ABLIM2: variants seen among roughly 807,000 people sequenced by gnomAD.
The protein encoded by ABLIM2 is actin binding LIM protein family member 2, also known as actin-binding LIM protein 2.
A neutral mutation model predicts 97.7 loss-of-function variants in ABLIM2; 53 were observed. The ratio of observed to expected loss-of-function variants is 0.54; its 90% CI spans 0.44 to 0.68. The LOEUF (loss-of-function observed/expected upper bound fraction) is 0.68. Ranked by LOEUF, ABLIM2 falls within the 30% of genes least tolerant of loss-of-function variation. The pLI, the probability that ABLIM2 is intolerant of heterozygous loss-of-function variation, is 0.00. For synonymous variants in ABLIM2, 361 were observed against 345.8 expected, an observed-to-expected ratio of 1.04 and a Z score of -0.49; for missense variants, 835 against 867.2, an observed-to-expected ratio of 0.96 and a Z score of 0.47.
intron 20 of ABLIM2, among the ~76,000 whole-genome samples, chr4:7,976,837 G>A (rs1733664114): frequency 6.6e-6 from 1 of 151,308 alleles, no homozygotes; most frequent in South Asian, 2.1e-4. Context: ...ATACACACAT[G>A]CACACACATA....
In ABLIM2 at chr4:8,130,163, T is replaced by C. The variant is rs1371734848; in HGVS notation, c.11-23526A>G. Among the ~76,000 whole-genome samples the C allele has an allele frequency of 6.6e-6, 1 of 151,906 alleles. No homozygotes were observed. The highest frequency in any genetic ancestry group is 1.5e-5 in the Non-Finnish European group (1 of 67,960). On this transcript the variant is annotated intron_variant, in intron 1 of 20. Transcript: ENST00000447017. The surrounding 1 kb of genome is among the most constrained non-coding windows in gnomAD (Gnocchi z 4.2). ...TGGTCTCAGCCTGGAAGGGGAACAC[T>C]CAAGTCTTGAAGGAACTCAGCCAGC...
At chr4:8,090,737 A>C (rs889546653) in intron 3 of ABLIM2, among the ~76,000 whole-genome samples, 2 of 151,168 alleles carry the variant, frequency 1.3e-5, no homozygotes, top group Non-Finnish European at 2.9e-5. Flanking sequence ...TTGCGGGATC[A>C]CAGAGCACAT....
intron 1 of ABLIM2, among the ~76,000 whole-genome samples, chr4:8,109,594 C>T (rs1016775415): frequency 1.3e-5 from 2 of 152,150 alleles, no homozygotes; most frequent in Admixed American, 6.5e-5. Flanking sequence ...AGGGTCCCTG[C>T]CCACGGATGG....
chr4:8,101,122 A>G (rs1228303931), intron 2 of ABLIM2, among the ~76,000 whole-genome samples: 3 of 152,224 alleles, frequency 2.0e-5, no homozygotes, highest in Non-Finnish European at 4.4e-5. Flanking sequence ...GGAGATGCCA[A>G]TTCACATCAA....
rs947569997 is a variant in ABLIM2 at position 8,061,329 on chromosome 4, T to A, written c.676-275A>T. Among the ~76,000 whole-genome samples the A allele has an allele frequency of 2.0e-5, 3 of 151,972 alleles. No homozygotes were observed. Among genetic ancestry groups the A allele is most frequent in the African/African-American group, 7.3e-5 (3 of 41,372 alleles). Reference sequence around the variant, plus strand: ...AGCATGCAGCTCCCTGCCGGGGTAGTCCAGGAGGGGTCAGCCTCCTTTACC... The same window carrying A: ...AGCATGCAGCTCCCTGCCGGGGTAGACCAGGAGGGGTCAGCCTCCTTTACC... On this transcript the variant is annotated intron_variant, in intron 6 of 20. Coordinates refer to ENST00000447017, the MANE Select transcript of ABLIM2 (RefSeq NM_001130083.2). This position sits in a 1 kb window ranked among gnomAD's most constrained non-coding sequence, Gnocchi z 4.5.
chr4:8,079,714 A>G (rs929590962), intron 5 of ABLIM2, among the ~76,000 whole-genome samples: 3 of 152,146 alleles, frequency 2.0e-5, no homozygotes, highest in African/African-American at 7.2e-5. Flanking sequence ...GACGTGATTC[A>G]GGTTCCGTGT....
At chr4:8,131,903 G>A (rs1450272144) in intron 1 of ABLIM2, among the ~76,000 whole-genome samples, 2 of 139,646 alleles carry the variant, frequency 1.4e-5, no homozygotes, top group South Asian at 2.3e-4. Flanking sequence ...ACAGCAGCCC[G>A]CATCTCCAGC....
chr4:8,130,529 G>A lies in ABLIM2; in HGVS notation c.11-23892C>T, dbSNP rs6817111. On this transcript the variant is annotated intron_variant, in intron 1 of 20. Coordinates refer to ENST00000447017, the MANE Select transcript of ABLIM2 (RefSeq NM_001130083.2). The surrounding 1 kb of genome is among the most constrained non-coding windows in gnomAD (Gnocchi z 4.2). ...AATATCAAGTTGTCTAAGCTTCCCCGAGACACTGTGAGGTGGCGCCACGCT... is the reference window on the plus strand; with the variant it reads ...AATATCAAGTTGTCTAAGCTTCCCCAAGACACTGTGAGGTGGCGCCACGCT... Among the ~76,000 whole-genome samples the A allele has an allele frequency of 0.18, 27,212 of 152,048 alleles. 2,796 individuals are homozygous for A. Among genetic ancestry groups the A allele is most frequent in the African/African-American group, 0.29 (12,081 of 41,416 alleles).
Position 8,003,912 on chromosome 4 carries a change from C to G in ABLIM2, c.1618+4147G>C, listed in dbSNP as rs538815404. 6.6e-6 allele frequency among the ~76,000 whole-genome samples: 1 copy of G among 152,254 alleles called. No homozygotes were observed. The highest frequency in any genetic ancestry group is 1.5e-5 in the Non-Finnish European group (1 of 68,014). Reference sequence around the variant, plus strand: ...TGCATATTCCATACCTAGGGGGTCTCACGTCTCTAAGCCTGAGGCCAGGTG... The same window carrying G: ...TGCATATTCCATACCTAGGGGGTCTGACGTCTCTAAGCCTGAGGCCAGGTG... On this transcript the variant is annotated intron_variant, in intron 16 of 20. Transcript: ENST00000447017. This position sits in a 1 kb window ranked among gnomAD's most constrained non-coding sequence, Gnocchi z 4.2.
At chr4:8,070,881 C>T (rs1018859067) in intron 6 of ABLIM2, among the ~76,000 whole-genome samples, 16 of 152,222 alleles carry the variant, frequency 1.1e-4, no homozygotes, top group African/African-American at 3.9e-4. Flanking sequence ...ACCGGGGAGA[C>T]GGCCCCTGCA....
rs1479144028 is a variant in ABLIM2, at chr4:8,022,534, C to G, written c.1268-2231G>C. ...CCCCCCAGGGCCCTCTAACACCAGC[C>G]CGAGTCCTGCCACCTCGGTCCCTCC... On this transcript the variant is annotated intron_variant, in intron 12 of 20. Transcript: ENST00000447017. This position sits in a 1 kb window ranked among gnomAD's most constrained non-coding sequence, Gnocchi z 7.8. The G allele has an allele frequency of 6.6e-6, 1 of 152,568 alleles. No homozygotes were observed. The highest frequency in any genetic ancestry group is 1.5e-5 in the Non-Finnish European group (1 of 68,264). The allele number at this position is 152,568 out of a possible 1,614,324, so 9.5% of individuals were successfully genotyped here.
At chr4:8,034,417 TAGAC>T (rs1457646483) in intron 10 of ABLIM2, among the ~76,000 whole-genome samples, 1 of 139,762 alleles carries the variant, frequency 7.2e-6, no homozygotes, top group Non-Finnish European at 1.6e-5. Context: ...AGGTGGGTGG[TAGAC>T]AGGTGCAGGT....
In ABLIM2 at chr4:8,032,306, A is replaced by AGGGGCAG. The variant is rs971268192; in HGVS notation, c.1048-2537_1048-2531dup. ...GGGTGCTTCCACACAACCCACGTGG[A>AGGGGCAG]GGGGCAGGAGGCAGGAAGCGCTCCC... On this transcript the variant is annotated intron_variant, in intron 10 of 20. Transcript: ENST00000447017. This position sits in a 1 kb window ranked among gnomAD's most constrained non-coding sequence, Gnocchi z 4.3. Among the ~76,000 whole-genome samples, 4 of 152,024 alleles carry AGGGGCAG rather than the reference A, an allele frequency of 2.6e-5. No homozygotes were observed. The highest frequency in any genetic ancestry group is 9.7e-5 in the African/African-American group (4 of 41,374).
chr4:8,030,035 C>T (rs1779874776), intron 10 of ABLIM2, among the ~76,000 whole-genome samples: 1 of 152,096 alleles, frequency 6.6e-6, no homozygotes, highest in Non-Finnish European at 1.5e-5. Context: ...TGGCGGGGAT[C>T]CCCCATCTTC....
intron 14 of ABLIM2, 43 bp from the exon 15 acceptor site, chr4:8,009,145 T>C: frequency 6.2e-7 from 1 of 1,610,158 alleles, no homozygotes; most frequent in Non-Finnish European, 8.5e-7. Context: ...ACACCATTGC[T>C]TGTGGGTTTC....
chr4:7,976,286 A>G (rs1732982324), intron 20 of ABLIM2, among the ~76,000 whole-genome samples: 1 of 152,044 alleles, frequency 6.6e-6, no homozygotes, highest in Admixed American at 6.6e-5. Flanking sequence ...CTTCCCACAG[A>G]TCATCTGCAT....
chr4:8,013,219 CTTTT>C (rs60424207), intron 14 of ABLIM2, among the ~76,000 whole-genome samples: 5 of 110,612 alleles, frequency 4.5e-5, no homozygotes, highest in Admixed American at 1.0e-4. Flanking sequence ...AACATTTTTC[CTTTT>C]TTTTTTTTTT....
intron 7 of ABLIM2, among the ~76,000 whole-genome samples, chr4:8,059,177 A>G (rs549759541): frequency 6.6e-6 from 1 of 152,084 alleles, no homozygotes. Context: ...AAGATGAAGC[A>G]TAACTCTAGG....
At chr4:8,012,864 T>A (rs1327873013) in intron 14 of ABLIM2, among the ~76,000 whole-genome samples, 1 of 152,206 alleles carries the variant, frequency 6.6e-6, no homozygotes, top group African/African-American at 2.4e-5. Flanking sequence ...CACTGATGCA[T>A]CCATTCATCC....
Sources: gnomAD v4.1 joint callset for allele counts (sites outside exome capture counted in the v4.1 genomes callset) on GRCh38, gnomAD v4.1.1 for gene constraint, Gnocchi (gnomAD v3.1) non-coding constraint, MANE v1.5 for transcripts, NCBI Gene and HGNC (gene_info 2026-07-23, HGNC 2026-07-21) for gene names.